CDH12: variants seen among roughly 807,000 people sequenced by gnomAD.
The protein encoded by CDH12 is cadherin 12.
CDH12 carries 41 observed loss-of-function variants against 74.1 expected under a neutral mutation model. The observed-to-expected ratio is 0.55, with a 90% CI of 0.43 to 0.72. The LOEUF (loss-of-function observed/expected upper bound fraction) is 0.72. Among genes scored for constraint, CDH12 ranks in the 30% least tolerant of loss-of-function variants. CDH12 has a pLI of 0.00. For missense variants in CDH12, 945 were observed against 977.2 expected, an observed-to-expected ratio of 0.97 and a Z score of 0.44; for synonymous variants, 399 against 355.0, an observed-to-expected ratio of 1.12 and a Z score of -1.39.
chr5:22,425,157 A>G (rs972220998), intron 2 of CDH12, among the ~76,000 whole-genome samples: 25 of 83,548 alleles, frequency 3.0e-4, no homozygotes, highest in African/African-American at 8.9e-4. Context: ...GTGTGTGTAT[A>G]TATATATATA....
At chr5:22,028,879 A>C (rs1012740945) in intron 5 of CDH12, among the ~76,000 whole-genome samples, 5 of 152,238 alleles carry the variant, frequency 3.3e-5, no homozygotes, top group East Asian at 3.8e-4. Context: ...AGGCTACAGT[A>C]ACCAAAACAG....
chr5:21,863,990 T>A (rs901192552), intron 6 of CDH12, among the ~76,000 whole-genome samples: 5 of 152,258 alleles, frequency 3.3e-5, no homozygotes, highest in African/African-American at 1.2e-4. Context: ...TATTTCAGAA[T>A]TATAAATATA....
intron 1 of CDH12, among the ~76,000 whole-genome samples, chr5:22,797,544 A>T (rs1748293427): frequency 6.6e-6 from 1 of 152,214 alleles, no homozygotes; most frequent in African/African-American, 2.4e-5. Flanking sequence ...TAGATATATT[A>T]TAAATAAAAT....
In CDH12 at chr5:22,196,727, C is replaced by T. The variant is rs566439674; in HGVS notation, c.-187+15771G>A. Among the ~76,000 whole-genome samples the T allele has an allele frequency of 3.3e-5, 5 of 152,300 alleles. No individual in the cohort carries two copies. In the South Asian group the frequency reaches 1.0e-3, roughly 32 times the overall value. The stretch of plus-strand genomic sequence containing the variant: ...GGTGTCCTCAGGCACCCGGAGGGCT[C>T]TATTGTCCTACTTCTCCTTGTTGCC... On this transcript the variant is annotated intron_variant, in intron 4 of 14. Coordinates refer to ENST00000382254, the MANE Select transcript of CDH12 (RefSeq NM_004061.5).
At chr5:22,240,132 C>G (rs888027258) in intron 3 of CDH12, among the ~76,000 whole-genome samples, 2 of 152,108 alleles carry the variant, frequency 1.3e-5, no homozygotes, top group African/African-American at 4.8e-5. Flanking sequence ...AATCTCTTAG[C>G]TCCAGAGTTA....
chr5:21,760,036 A>G (rs1029803416), intron 13 of CDH12, among the ~76,000 whole-genome samples: 2 of 152,186 alleles, frequency 1.3e-5, no homozygotes, highest in African/African-American at 2.4e-5. Context: ...TTACGGCTGC[A>G]TAGCATTCCA....
chr5:21,956,190 A>G (rs1756087061), intron 6 of CDH12, among the ~76,000 whole-genome samples: 1 of 152,080 alleles, frequency 6.6e-6, no homozygotes, highest in Non-Finnish European at 1.5e-5. Flanking sequence ...CCACCAGATT[A>G]GATACCATTG....
intron 3 of CDH12, among the ~76,000 whole-genome samples, chr5:22,217,819 C>T (rs927280101): frequency 6.6e-6 from 1 of 151,396 alleles, no homozygotes; most frequent in African/African-American, 2.4e-5. Flanking sequence ...TGTTTATTTC[C>T]TTACTGAGTA....
At chr5:21,854,439 C>T (rs1367795241) in intron 7 of CDH12, among the ~76,000 whole-genome samples, 1 of 151,672 alleles carries the variant, frequency 6.6e-6, no homozygotes, top group Non-Finnish European at 1.5e-5. Context: ...GACTGCTTAC[C>T]TAACAAATTT....
intron 6 of CDH12, among the ~76,000 whole-genome samples, chr5:21,915,971 A>G (rs10074344): frequency 0.74 from 111,277 of 151,180 alleles, 43,722 homozygotes; most frequent in East Asian, 0.93. Context: ...TAGCAAAAAT[A>G]TATAAACAAC....
intron 1 of CDH12, among the ~76,000 whole-genome samples, chr5:22,520,829 C>T (rs989867415): frequency 3.9e-5 from 6 of 152,016 alleles, no homozygotes; most frequent in Non-Finnish European, 7.4e-5. Context: ...GACAAGGAGA[C>T]GTGAACTATG....
At chr5:22,500,034 T>A (rs534749294) in intron 2 of CDH12, among the ~76,000 whole-genome samples, 1 of 152,270 alleles carries the variant, frequency 6.6e-6, no homozygotes, top group African/African-American at 2.4e-5. Context: ...TGATTTTTTT[T>A]ATTTCCTGCA....
intron 6 of CDH12, among the ~76,000 whole-genome samples, chr5:21,950,763 A>T (rs1304417825): frequency 4.7e-4 from 39 of 83,534 alleles, no homozygotes; most frequent in Admixed American, 2.5e-3. Context: ...TTATTTTATT[A>T]TTATTATTAT....
intron 1 of CDH12, among the ~76,000 whole-genome samples, chr5:22,552,657 A>G (rs1489240259): frequency 1.3e-5 from 2 of 151,924 alleles, no homozygotes; most frequent in Non-Finnish European, 2.9e-5. Flanking sequence ...TTGATCTCCT[A>G]ACCTCGTGAT....
intron 1 of CDH12, among the ~76,000 whole-genome samples, chr5:22,635,194 C>G (rs1221179767): frequency 6.6e-6 from 1 of 152,102 alleles, no homozygotes; most frequent in Non-Finnish European, 1.5e-5. Context: ...TAAGCCCATA[C>G]TTTTATGTTT....
At chr5:21,893,419 G>A (rs919309382) in intron 6 of CDH12, among the ~76,000 whole-genome samples, 5 of 152,026 alleles carry the variant, frequency 3.3e-5, no homozygotes, top group African/African-American at 9.7e-5. Flanking sequence ...GAAAAGAAGC[G>A]GGAATTGCAG....
intron 2 of CDH12, among the ~76,000 whole-genome samples, chr5:22,496,941 A>C (rs1747126715): frequency 6.6e-6 from 1 of 152,142 alleles, no homozygotes; most frequent in Non-Finnish European, 1.5e-5. Flanking sequence ...AGTTGAGTAA[A>C]ATCATTCTAT....
intron 4 of CDH12, among the ~76,000 whole-genome samples, chr5:22,080,938 C>T (rs1003248590): frequency 3.3e-5 from 5 of 151,872 alleles, no homozygotes; most frequent in South Asian, 2.1e-4. Flanking sequence ...TGCCACCACA[C>T]CCGGCTAATT....
At chr5:22,403,942 T>G (rs917191874) in intron 3 of CDH12, among the ~76,000 whole-genome samples, 3 of 152,136 alleles carry the variant, frequency 2.0e-5, no homozygotes, top group African/African-American at 7.2e-5. Context: ...AGATATAATA[T>G]TTGACTATAT....
Sources: allele counts gnomAD v4.1 joint callset (sites outside exome capture counted in the v4.1 genomes callset), GRCh38; gene constraint gnomAD v4.1.1; transcripts MANE v1.5; gene names NCBI Gene and HGNC (gene_info 2026-07-23, HGNC 2026-07-21).